ANO1: variants seen among roughly 807,000 people sequenced by gnomAD.
ANO1 encodes the protein anoctamin 1.
Under a neutral mutation model 124.0 loss-of-function variants are expected in ANO1, and 59 were observed. The observed-to-expected ratio is 0.48, with a 90% confidence interval of 0.39 to 0.59. The LOEUF is 0.59. Among genes scored for constraint, ANO1 ranks in the 20% least tolerant of loss-of-function variants. The pLI is 0.00. For synonymous variants in ANO1, 529 were observed against 532.0 expected (o/e 0.99, Z 0.08); for missense variants, 1,059 against 1,328.0 (o/e 0.80, Z 3.15).
At chr11:69,967,039 G>A in the ANO1 span, among the ~76,000 whole-genome samples, 1 of 152,218 alleles carries the variant, frequency 6.6e-6, no homozygotes, top group African/African-American at 2.4e-5. Context: ...CCACGCAGTA[G>A]AGGCCAGTGC....
intron 12 of ANO1, 96 bp from the exon 13 acceptor site, chr11:70,152,354 A>G (rs2047639062): frequency 1.9e-6 from 2 of 1,057,286 alleles, no homozygotes; most frequent in East Asian, 2.8e-5. Flanking sequence ...AAAAAAAAAA[A>G]AAAGTTGTCC....
At position 70,156,996 on chromosome 11, in the gene ANO1, C is replaced by T; in HGVS notation, c.1553C>T (p.Thr518Ile). The T allele has an allele frequency of 6.2e-7, 1 of 1,613,608 alleles. No individual in the cohort carries two copies. The highest frequency in any genetic ancestry group is 1.1e-5 in the South Asian group (1 of 90,940). The change falls in exon 16 of 26, where the codon ACT becomes ATT. Residue 518 changes from threonine (T) to isoleucine (I), a missense_variant. By Grantham distance (89) the Thr-to-Ile change is moderately conservative (BLOSUM62 -1). Around this residue, in one of 2 missense-constraint regions of ANO1, gnomAD observed 809 missense variants for 1,094.9 expected, o/e 0.74. Coordinates refer to ENST00000355303, the MANE Select transcript of ANO1 (RefSeq NM_018043.7). ...TWRDRFPAYLTNLVSIIFMIA... is the reference protein window; with the variant it reads ...TWRDRFPAYLINLVSIIFMIA... Reference sequence around the variant, plus strand: ...AGAGATCGGTTCCCAGCCTACCTCACTAACTTGGTCTCCATCATCTTCATG... The same window carrying T: ...AGAGATCGGTTCCCAGCCTACCTCATTAACTTGGTCTCCATCATCTTCATG...
chr11:69,993,706 C>T (rs968457347), intron 1 of ANO1, among the ~76,000 whole-genome samples: 17 of 152,194 alleles, frequency 1.1e-4, no homozygotes, highest in African/African-American at 3.6e-4. Context: ...GTGCATTTTT[C>T]GAATCTGTCC....
chr11:69,979,267 T>C, the ANO1 span, among the ~76,000 whole-genome samples: 117 of 152,324 alleles, frequency 7.7e-4, 1 homozygote, highest in Middle Eastern at 3.4e-3. Flanking sequence ...GGTAATAACA[T>C]TTTGCAACTG....
rs777091086 is a variant in ANO1 at position 70,131,919 on chromosome 11, C to T, written c.1098C>T (p.Ser366=). The T allele has an allele frequency of 1.4e-5, 22 of 1,604,720 alleles. No homozygotes were observed. The highest frequency in any genetic ancestry group is 1.9e-5 in the Non-Finnish European group (22 of 1,179,148). Residue 366 remains serine (S), a splice_region_variant and synonymous_variant, in exon 11 of 26, where the codon AGC becomes AGT. Coordinates refer to ENST00000355303, the MANE Select transcript of ANO1 (RefSeq NM_018043.7). ...GCATMDENIP[S]MEMCDQRHNI... The stretch of plus-strand genomic sequence containing the variant: ...TCCAGGGCTGCCCCCTCTCTTGCAG[C>T]ATGGAGATGTGTGACCAGAGACACA...
At chr11:69,979,629 C>T in the ANO1 span, among the ~76,000 whole-genome samples, 7 of 152,122 alleles carry the variant, frequency 4.6e-5, no homozygotes, top group African/African-American at 1.2e-4. Flanking sequence ...ATCAAGTATG[C>T]GGGACTCAGG....
At chr11:70,031,585 C>T (rs1346067909) in intron 1 of ANO1, among the ~76,000 whole-genome samples, 2 of 152,076 alleles carry the variant, frequency 1.3e-5, no homozygotes, top group Middle Eastern at 3.2e-3. Context: ...CAAGGTGAGC[C>T]GTTGAGGGCC....
chr11:69,984,514 G>C (rs145402613), upstream of ANO1, among the ~76,000 whole-genome samples: 1 of 152,176 alleles, frequency 6.6e-6, no homozygotes, highest in East Asian at 1.9e-4. Context: ...GCGCTGAGGT[G>C]GGGGCGGGGA....
intron 1 of ANO1, among the ~76,000 whole-genome samples, chr11:70,010,616 G>A (rs1438271727): frequency 6.6e-6 from 1 of 152,204 alleles, no homozygotes; most frequent in Non-Finnish European, 1.5e-5. Flanking sequence ...ACAAAGACAG[G>A]GGCTGCAGAG....
rs796377053 is a variant in ANO1 at position 70,105,858 on chromosome 11, T to C, written c.747+70T>C. On this transcript the variant is annotated intron_variant, in intron 5 of 25. Transcript: ENST00000355303. ...CCTGGGGATCCAGATGATAATTTCA[T>C]TTTGGTGAAACTCCTCCCGGTGGAA... 15 of 1,505,062 alleles carry C rather than the reference T, an allele frequency of 1.0e-5. No individual in the cohort carries two copies. In the African/African-American group the frequency reaches 2.1e-4, roughly 21 times the overall value. The allele number at this position is 1,505,062 out of a possible 1,614,324, so 93.2% of individuals were successfully genotyped here. A position where few individuals can be genotyped will look rare whatever the true frequency, so the allele number is the denominator to read the frequency against.
chr11:69,994,762 G>T (rs1230229946), intron 1 of ANO1, among the ~76,000 whole-genome samples: 4 of 152,120 alleles, frequency 2.6e-5, no homozygotes, highest in Admixed American at 2.6e-4. Context: ...AGCCAACTGG[G>T]TTTTGTCTTT....
chr11:70,012,000 TTCCATCCA>T (rs201200119), intron 1 of ANO1, among the ~76,000 whole-genome samples: 1 of 150,646 alleles, frequency 6.6e-6, no homozygotes, highest in Non-Finnish European at 1.5e-5. Context: ...CCATCCATCT[TTCCATCCA>T]TCCATCCATC....
At chr11:70,070,261 G>T (rs1857838405) in intron 1 of ANO1, among the ~76,000 whole-genome samples, 1 of 152,176 alleles carries the variant, frequency 6.6e-6, no homozygotes, top group African/African-American at 2.4e-5. Flanking sequence ...CGCCATTCTA[G>T]CCAAGGAGGG....
rs942847789 is a variant in ANO1, at chr11:70,188,017, G to A, written c.*13G>A. On this transcript the variant is annotated 3_prime_UTR_variant, in exon 26 of 26. Transcript: ENST00000355303. ...GGGCGTCCTGTAGCTATGCCAGCGG[G>A]GCTGGGCAGGCCAGCCGGGCATCCT... is the stretch of plus-strand genomic sequence containing the variant. 2.6e-6 allele frequency: 4 copies of A among 1,550,490 alleles called. No homozygotes were observed. Among genetic ancestry groups the A allele is most frequent in the Non-Finnish European group, 3.5e-6 (4 of 1,148,510 alleles).
chr11:70,030,184 C>T (rs1178194008), intron 1 of ANO1, among the ~76,000 whole-genome samples: 1 of 152,204 alleles, frequency 6.6e-6, no homozygotes, highest in African/African-American at 2.4e-5. Context: ...CTGAGATGAC[C>T]GAAGACGCCT....
chr11:70,076,788 A>G (rs2044063619), upstream of ANO1, among the ~76,000 whole-genome samples: 1 of 152,214 alleles, frequency 6.6e-6, no homozygotes, highest in Non-Finnish European at 1.5e-5. Context: ...GCCTTCCTGC[A>G]CCGCCCCAAG....
Position 70,105,717 on chromosome 11 carries a change from T to G in ANO1, c.693-17T>G. ...TCTGGTGAACTGTGTCTTGTTTCCTTCCCGATATTTCCACAGATTTGACTT... is the reference window on the plus strand; with the variant it reads ...TCTGGTGAACTGTGTCTTGTTTCCTGCCCGATATTTCCACAGATTTGACTT... On this transcript the variant is annotated splice_polypyrimidine_tract_variant and intron_variant, in intron 4 of 25. Transcript: ENST00000355303. 1 of 1,613,034 alleles carries G rather than the reference T, an allele frequency of 6.2e-7. No homozygotes were observed. The highest frequency in any genetic ancestry group is 1.1e-5 in the South Asian group (1 of 91,038).
chr11:70,076,692 A>G (rs1338075546), upstream of ANO1, among the ~76,000 whole-genome samples: 3 of 151,810 alleles, frequency 2.0e-5, no homozygotes, highest in African/African-American at 7.3e-5. Flanking sequence ...ACTTCTCCAA[A>G]CCCTCTCTCG....
At chr11:70,036,212 TC>T (rs1275496889) in intron 1 of ANO1, among the ~76,000 whole-genome samples, 1 of 152,142 alleles carries the variant, frequency 6.6e-6, no homozygotes, top group Non-Finnish European at 1.5e-5. Flanking sequence ...CCCCGTACAG[TC>T]CCTGGTGACT....
Sources: gnomAD v4.1 joint callset for allele counts (sites outside exome capture counted in the v4.1 genomes callset) on GRCh38, gnomAD v4.1.1 for gene constraint, gnomAD v4.1.1 regional missense constraint, MANE v1.5 for transcripts, NCBI Gene and HGNC (gene_info 2026-07-23, HGNC 2026-07-21) for gene names.